Variants in BAZ1A observed in about 807,000 individuals in gnomAD.
BAZ1A encodes the protein bromodomain adjacent to zinc finger domain protein 1A.
In BAZ1A, 50 loss-of-function variants were observed where a neutral mutation model predicts 185.2. The observed-to-expected ratio is 0.27, with a 90% confidence interval of 0.22 to 0.34. BAZ1A has a LOEUF of 0.34. Ranked by LOEUF, BAZ1A falls within the 10% of genes least tolerant of loss-of-function variation. The pLI is 1.00. For synonymous variants in BAZ1A, 571 were observed against 615.6 expected, an observed-to-expected ratio of 0.93 and a Z score of 1.07; for missense variants, 1,356 against 1,839.9, an observed-to-expected ratio of 0.74 and a Z score of 4.81.
At chr14:34,821,256 A>G (rs1038997897) in intron 4 of BAZ1A, among the ~76,000 whole-genome samples, 4 of 152,218 alleles carry the variant, frequency 2.6e-5, no homozygotes, top group Non-Finnish European at 5.9e-5. Context: ...CCGAACTTCC[A>G]TTTCTACTAA....
At chr14:34,857,097 C>G (rs549245358) in intron 3 of BAZ1A, among the ~76,000 whole-genome samples, 1 of 150,758 alleles carries the variant, frequency 6.6e-6, no homozygotes, top group Admixed American at 6.6e-5. Context: ...AGCTCCGCCT[C>G]CCAGGTTCAC....
At chr14:34,865,021 C>A (rs2042834602) in intron 2 of BAZ1A, among the ~76,000 whole-genome samples, 1 of 152,066 alleles carries the variant, frequency 6.6e-6, no homozygotes, top group African/African-American at 2.4e-5. Context: ...GGTGATCTGC[C>A]CACCTCAGCC....
chr14:34,840,764 A>AAAACAAACAAAC (rs112881728), intron 3 of BAZ1A, among the ~76,000 whole-genome samples: 19 of 149,098 alleles, frequency 1.3e-4, no homozygotes, highest in Middle Eastern at 3.5e-3. Context: ...CTCCCCCCCA[A>AAAACAAACAAAC]AAACAAACAA....
chr14:34,823,991 T>G (rs943739691), intron 4 of BAZ1A, among the ~76,000 whole-genome samples: 2 of 152,080 alleles, frequency 1.3e-5, no homozygotes, highest in African/African-American at 4.8e-5. Context: ...CATTTACTAC[T>G]ATAAATCCCA....
chr14:34,781,527 CTTTT>C (rs35183747), intron 16 of BAZ1A, among the ~76,000 whole-genome samples: 3 of 141,524 alleles, frequency 2.1e-5, no homozygotes, highest in Admixed American at 7.0e-5. Context: ...TCACTAGCTG[CTTTT>C]TTTTTTTTTT....
chr14:34,814,396 G>C (rs2138685323), intron 4 of BAZ1A, among the ~76,000 whole-genome samples: 1 of 152,008 alleles, frequency 6.6e-6, no homozygotes, highest in South Asian at 2.1e-4. Context: ...AGAAAACCAA[G>C]ATGTGAGTAG....
chr14:34,853,654 G>A (rs1306367873), intron 3 of BAZ1A, among the ~76,000 whole-genome samples: 1 of 152,150 alleles, frequency 6.6e-6, no homozygotes, highest in Non-Finnish European at 1.5e-5. Context: ...AGGCGTGGTG[G>A]CACACGCCTG....
At chr14:34,819,750 T>G (rs887913237) in intron 4 of BAZ1A, among the ~76,000 whole-genome samples, 1 of 152,226 alleles carries the variant, frequency 6.6e-6, no homozygotes, top group Admixed American at 6.5e-5. Context: ...TGCAGGTTTT[T>G]GTGTGAATGT....
chr14:34,773,540 G>A, intron 20 of BAZ1A, 32 bp downstream of exon 20: 34 of 1,397,976 alleles, frequency 2.4e-5, no homozygotes, highest in South Asian at 9.6e-5. Flanking sequence ...GCAAGGAAAA[G>A]TAATGGTTAC....
chr14:34,762,301 A>G (rs1297986880), intron 23 of BAZ1A, 78 bp from the exon 24 acceptor site: 12 of 1,350,914 alleles, frequency 8.9e-6, no homozygotes, highest in East Asian at 2.3e-5. Context: ...TCCTTGTTGT[A>G]TTTAGCCAAT....
chr14:34,870,513 G>A (rs1266452816), intron 2 of BAZ1A, among the ~76,000 whole-genome samples: 1 of 152,208 alleles, frequency 6.6e-6, no homozygotes, highest in Non-Finnish European at 1.5e-5. Context: ...AATTGATGAT[G>A]TTCTGATATG....
chr14:34,841,988 C>T (rs1421490756), intron 3 of BAZ1A, among the ~76,000 whole-genome samples: 2 of 152,056 alleles, frequency 1.3e-5, no homozygotes, highest in Admixed American at 1.3e-4. Flanking sequence ...AATTATTTGG[C>T]ATGCAAAGTT....
In BAZ1A at chr14:34,874,419, G is replaced by C. The variant is rs2043006662; in HGVS notation, c.113+73C>G. 1.4e-6 allele frequency: 2 copies of C among 1,405,186 alleles called. No homozygotes were observed. Among genetic ancestry groups the C allele is most frequent in the South Asian group, 2.3e-5 (2 of 86,358 alleles). The allele number at this position is 1,405,186 out of a possible 1,614,324, so 87.0% of individuals were successfully genotyped here. Reference sequence around the variant, plus strand: ...CGCCAGAAGCCCAGGGCGAGGAAAAGGAGAGAGACAAAAGAGCGCTGCGGG... The same window carrying C: ...CGCCAGAAGCCCAGGGCGAGGAAAACGAGAGAGACAAAAGAGCGCTGCGGG... On this transcript the variant is annotated intron_variant, in intron 2 of 26. Coordinates refer to ENST00000360310, the MANE Select transcript of BAZ1A (RefSeq NM_013448.3). The surrounding 1 kb of genome is among the most constrained non-coding windows in gnomAD (Gnocchi z 4.7).
intron 12 of BAZ1A, among the ~76,000 whole-genome samples, chr14:34,787,884 GA>G (rs1880584404): frequency 6.6e-6 from 1 of 152,160 alleles, no homozygotes; most frequent in African/African-American, 2.4e-5. Flanking sequence ...GTCAAGCTAT[GA>G]AAAACCCTTC....
intron 9 of BAZ1A, among the ~76,000 whole-genome samples, chr14:34,796,177 C>G (rs1374543127): frequency 6.6e-6 from 1 of 151,522 alleles, no homozygotes; most frequent in Non-Finnish European, 1.5e-5. Flanking sequence ...CACACACACA[C>G]ACACACACAC....
At chr14:34,829,267 G>GAAAAAAAAAAA (rs60176426) in intron 3 of BAZ1A, among the ~76,000 whole-genome samples, 9 of 86,492 alleles carry the variant, frequency 1.0e-4, no homozygotes, top group African/African-American at 4.2e-4. Context: ...CTCTGTCTCT[G>GAAAAAAAAAAA]AAAAAAAAAA....
chr14:34,798,460 C>T (rs1235617485), intron 9 of BAZ1A, among the ~76,000 whole-genome samples: 1 of 152,220 alleles, frequency 6.6e-6, no homozygotes, highest in Non-Finnish European at 1.5e-5. Context: ...AGGTGCCCCT[C>T]TGGGACAAAG....
In BAZ1A at chr14:34,862,365, C is replaced by T. The variant is rs28571108; in HGVS notation, c.114-43G>A. The T allele has an allele frequency of 2.3e-3, 3,509 of 1,549,138 alleles. 58 individuals carry two copies. In the African/African-American group the frequency reaches 0.04, roughly 18 times the overall value. ...ACAAAAACAAAAGCCCATTACCTAT[C>T]ATTTCACAAATTTTACATTAAAAAC... On this transcript the variant is annotated intron_variant, in intron 2 of 26. Transcript: ENST00000360310.
chr14:34,837,704 C>G (rs1254028736), intron 3 of BAZ1A, among the ~76,000 whole-genome samples: 1 of 152,146 alleles, frequency 6.6e-6, no homozygotes, highest in Non-Finnish European at 1.5e-5. Context: ...GCTGCAGAAT[C>G]AACCAAATTA....
Sources: allele counts gnomAD v4.1 joint callset (sites outside exome capture counted in the v4.1 genomes callset), GRCh38; gene constraint gnomAD v4.1.1; non-coding constraint Gnocchi (gnomAD v3.1); transcripts MANE v1.5; gene names NCBI Gene and HGNC (gene_info 2026-07-23, HGNC 2026-07-21).